The following CSNK1D variants were observed in gnomAD, a reference collection of about 807,000 sequenced individuals.
The protein encoded by CSNK1D is casein kinase 1 delta, also known as casein kinase I isoform delta.
Under a neutral mutation model 46.6 loss-of-function variants are expected in CSNK1D, and 16 were observed. That is an observed-to-expected ratio of 0.34 (90% CI 0.23 to 0.52). The LOEUF (loss-of-function observed/expected upper bound fraction) is 0.52, where lower values mean the gene tolerates loss of function less well. Ranked by LOEUF, CSNK1D falls within the 20% of genes least tolerant of loss-of-function variation. The pLI is 0.95. For missense variants in CSNK1D, 398 were observed against 578.4 expected (o/e 0.69, Z 3.20); for synonymous variants, 276 against 228.2 (o/e 1.21, Z -1.89).
chr17:82,244,876 G>A (rs1599572749), intron 8 of CSNK1D, 45 bp from the exon 9 acceptor site: 1 of 1,612,488 alleles, frequency 6.2e-7, no homozygotes, highest in East Asian at 2.2e-5. Flanking sequence ...GGGGCTGGGG[G>A]AGCCGGCCAG....
chr17:82,273,241 C>A lies in CSNK1D; in HGVS notation c.76+65G>T. ...GGGCCACCACTTCCTTCCGCGATCG[C>A]GCTTGGTCTTGGCAGCCGCAGGGCC... is the stretch of plus-strand genomic sequence containing the variant. On this transcript the variant is annotated intron_variant, in intron 1 of 8. Coordinates refer to ENST00000314028, the MANE Select transcript of CSNK1D (RefSeq NM_001893.6). The surrounding 1 kb of genome is among the most constrained non-coding windows in gnomAD (Gnocchi z 5.1). 6.6e-7 allele frequency: 1 copy of A among 1,509,062 alleles called. No homozygotes were observed. Among genetic ancestry groups the A allele is most frequent in the Middle Eastern group, 2.3e-4 (1 of 4,410 alleles). 93.5% of individuals were successfully genotyped at this position (1,509,062 alleles called of 1,614,324 possible).
downstream of CSNK1D, chr17:82,239,868 C>G: frequency 1.7e-6 from 1 of 596,754 alleles, no homozygotes; most frequent in Non-Finnish European, 2.5e-6. Context: ...GTCCTCCATC[C>G]AGCCCGGCCC....
Position 82,273,054 on chromosome 17 carries a change from C to A in CSNK1D, c.76+252G>T. 2.0e-5 allele frequency: 5 copies of A among 247,866 alleles called. No homozygotes were observed. Among genetic ancestry groups the A allele is most frequent in the African/African-American group, 2.7e-5 (1 of 37,220 alleles). 15.4% of individuals were successfully genotyped at this position (247,866 alleles called of 1,614,324 possible). A position where few individuals can be genotyped will look rare whatever the true frequency, so the allele number is the denominator to read the frequency against. On this transcript the variant is annotated intron_variant, in intron 1 of 8. Transcript: ENST00000314028. This position sits in a 1 kb window ranked among gnomAD's most constrained non-coding sequence, Gnocchi z 5.1. ...GGGTCAGCTCCCCTATCCCCTCCTTCCCCAACCCTCCCCTCTCCAGACCCT... is the reference window on the plus strand; with the variant it reads ...GGGTCAGCTCCCCTATCCCCTCCTTACCCAACCCTCCCCTCTCCAGACCCT...
At position 82,251,283 on chromosome 17, in the gene CSNK1D, A is replaced by G. The variant is rs1320696993; in HGVS notation, c.885+96T>C. ...CTTCACAACCAGAGACACTCCCTAT[A>G]TGGTACAGCCCCTCAACAAGACGGC... is the stretch of plus-strand genomic sequence containing the variant. On this transcript the variant is annotated intron_variant, in intron 6 of 8. Transcript: ENST00000314028. This position sits in a 1 kb window ranked among gnomAD's most constrained non-coding sequence, Gnocchi z 4.5. 2.8e-6 allele frequency: 4 copies of G among 1,431,576 alleles called. No homozygotes were observed. The highest frequency in any genetic ancestry group is 2.3e-5 in the East Asian group (1 of 43,068). The allele number at this position is 1,431,576 out of a possible 1,614,324, so 88.7% of individuals were successfully genotyped here. A position where few individuals can be genotyped will look rare whatever the true frequency, so the allele number is the denominator to read the frequency against.
rs1037165766 is a variant in CSNK1D, at chr17:82,249,897, C to G, written c.886-295G>C. ...ACTTCCAAATGGGCAGCAGCTACCCCCTGCTGCTCTGTGAACATGCTCACT... is the reference window on the plus strand; with the variant it reads ...ACTTCCAAATGGGCAGCAGCTACCCGCTGCTGCTCTGTGAACATGCTCACT... On this transcript the variant is annotated intron_variant, in intron 6 of 8. Coordinates refer to ENST00000314028, the MANE Select transcript of CSNK1D (RefSeq NM_001893.6). This position sits in a 1 kb window ranked among gnomAD's most constrained non-coding sequence, Gnocchi z 6.7. 5.8e-6 allele frequency: 8 copies of G among 1,368,694 alleles called. No individual in the cohort carries two copies. Among genetic ancestry groups the G allele is most frequent in the Middle Eastern group, 2.8e-4 (1 of 3,618 alleles). The allele number at this position is 1,368,694 out of a possible 1,614,324, so 84.8% of individuals were successfully genotyped here. A position where few individuals can be genotyped will look rare whatever the true frequency, so the allele number is the denominator to read the frequency against.
At chr17:82,240,631 C>T (rs28610415), downstream of CSNK1D, among the ~76,000 whole-genome samples, 3,763 of 152,292 alleles carry the variant, frequency 0.025, 59 homozygotes, top group African/African-American at 0.035. Context: ...TGTCACCCCT[C>T]GTCTGCCCCA....
At chr17:82,270,001 G>T (rs976167789) in intron 1 of CSNK1D, among the ~76,000 whole-genome samples, 1 of 152,266 alleles carries the variant, frequency 6.6e-6, no homozygotes, top group Non-Finnish European at 1.5e-5. Context: ...GGGCGGCACA[G>T]GGCCGGGGCC....
rs1178662879 is a variant in CSNK1D, at chr17:82,248,796, C to T, written c.1197+79G>A. On this transcript the variant is annotated intron_variant, in intron 8 of 8. Coordinates refer to ENST00000314028, the MANE Select transcript of CSNK1D (RefSeq NM_001893.6). This position sits in a 1 kb window ranked among gnomAD's most constrained non-coding sequence, Gnocchi z 4.1. ...GGGGGGAAGAAAGGAAAGAAGAAGC[C>T]CTGGAGAAACCACAGCCCGCTCTTG... 6.4e-7 allele frequency: 1 copy of T among 1,552,360 alleles called. No homozygotes were observed. The highest frequency in any genetic ancestry group is 8.7e-7 in the Non-Finnish European group (1 of 1,149,922).
Position 82,251,745 on chromosome 17 carries a change from C to A in CSNK1D, c.737-218G>T, listed in dbSNP as rs780225652. 30 of 588,106 alleles carry A rather than the reference C, an allele frequency of 5.1e-5. No homozygotes were observed. The highest frequency in any genetic ancestry group is 4.8e-4 in the African/African-American group (26 of 53,882). 36.4% of individuals were successfully genotyped at this position (588,106 alleles called of 1,614,324 possible). A position where few individuals can be genotyped will look rare whatever the true frequency, so the allele number is the denominator to read the frequency against. ...GCGGCTCACGCCTGTCACCCCAGCA[C>A]TCTAGGAGGCTGAGGAGGGCGGATC... On this transcript the variant is annotated intron_variant, in intron 5 of 8. Transcript: ENST00000314028. This position sits in a 1 kb window ranked among gnomAD's most constrained non-coding sequence, Gnocchi z 4.5.
chr17:82,251,627 G>C lies in CSNK1D; in HGVS notation c.737-100C>G. 8.3e-7 allele frequency: 1 copy of C among 1,209,024 alleles called. No individual in the cohort carries two copies. The highest frequency in any genetic ancestry group is 1.3e-5 in the South Asian group (1 of 78,986). 74.9% of individuals were successfully genotyped at this position (1,209,024 alleles called of 1,614,324 possible). ...CTACCTCCTGCTGCTGCACACTCAA[G>C]GGGAGAAGGACAGATGCAAAACACC... On this transcript the variant is annotated intron_variant, in intron 5 of 8. Coordinates refer to ENST00000314028, the MANE Select transcript of CSNK1D (RefSeq NM_001893.6). This position sits in a 1 kb window ranked among gnomAD's most constrained non-coding sequence, Gnocchi z 4.5.
At position 82,267,511 on chromosome 17, in the gene CSNK1D, G is replaced by A. The variant is rs1206391461; in HGVS notation, c.77-1715C>T. 2.6e-5 allele frequency among the ~76,000 whole-genome samples: 4 copies of A among 152,174 alleles called. No individual in the cohort carries two copies. In the South Asian group the frequency reaches 6.2e-4, roughly 24 times the overall value. ...GCGTTCCACAGGAATCGCCACCACC[G>A]GGTCACCGCCAGTGACCATTCTAGA... On this transcript the variant is annotated intron_variant, in intron 1 of 8. Coordinates refer to ENST00000314028, the MANE Select transcript of CSNK1D (RefSeq NM_001893.6).
At chr17:82,253,293 GA>G (rs2051060311) in intron 3 of CSNK1D, 49 bp from the exon 4 acceptor site, 3 of 1,413,108 alleles carry the variant, frequency 2.1e-6, no homozygotes, top group Non-Finnish European at 2.0e-6. Flanking sequence ...CAGTCTCAGG[GA>G]GGGACCGCTC....
In CSNK1D at chr17:82,265,723, G is replaced by C; in HGVS notation, c.150C>G (p.His50Gln). The C allele has an allele frequency of 6.2e-7, 1 of 1,614,174 alleles. No homozygotes were observed. Among genetic ancestry groups the C allele is most frequent in the Non-Finnish European group, 8.5e-7 (1 of 1,180,004 alleles). Reference protein sequence around the residue: ...ECVKTKHPQLHIESKIYKMMQ... With the variant: ...ECVKTKHPQLQIESKIYKMMQ... ...TCATCTTGTAGATTTTGCTCTCAATGTGGAGCTGAGGGTGTTTGGTTTTGA... is the reference window on the plus strand; with the variant it reads ...TCATCTTGTAGATTTTGCTCTCAATCTGGAGCTGAGGGTGTTTGGTTTTGA... The change falls in exon 2 of 9, where the codon CAC becomes CAG. Residue 50 changes from histidine (H) to glutamine (Q), a missense_variant. Coordinates refer to ENST00000314028, the MANE Select transcript of CSNK1D (RefSeq NM_001893.6).
downstream of CSNK1D, chr17:82,240,023 G>A (rs774421332): frequency 1.2e-4 from 144 of 1,233,672 alleles, no homozygotes; most frequent in Non-Finnish European, 1.3e-4. Context: ...GTGCCCTGGC[G>A]GGCCGCGTGC....
At chr17:82,270,671 C>A (rs745642682) in intron 1 of CSNK1D, among the ~76,000 whole-genome samples, 2 of 152,170 alleles carry the variant, frequency 1.3e-5, no homozygotes, top group Non-Finnish European at 2.9e-5. Context: ...CTTACTCCGG[C>A]TAACGTGACC....
At chr17:82,260,140 G>GTGATGTGACTGATGGTGTACTGAC (rs1568574496) in intron 2 of CSNK1D, among the ~76,000 whole-genome samples, 2 of 149,050 alleles carry the variant, frequency 1.3e-5, no homozygotes, top group African/African-American at 4.9e-5. Context: ...GGTGTACTGA[G>GTGATGTGACTGATGGTGTACTGAC]TGATGTGACT....
intron 8 of CSNK1D, chr17:82,245,141 C>T: frequency 1.8e-6 from 1 of 557,064 alleles, no homozygotes; most frequent in Non-Finnish European, 3.2e-6. Context: ...TGGAAAGGAA[C>T]CTGGTGTTTG....
intron 8 of CSNK1D, chr17:82,245,390 A>C: frequency 8.8e-6 from 2 of 228,238 alleles, no homozygotes; most frequent in South Asian, 1.2e-4. Flanking sequence ...GAGTTAATAC[A>C]GACGAAGCTG....
intron 2 of CSNK1D, among the ~76,000 whole-genome samples, chr17:82,262,589 C>CT (rs955066369): frequency 1.3e-5 from 2 of 152,110 alleles, no homozygotes; most frequent in African/African-American, 2.4e-5. Context: ...GCTTGCTGCC[C>CT]TTTTTTTCAG....
Sources: allele counts gnomAD v4.1 joint callset (sites outside exome capture counted in the v4.1 genomes callset), GRCh38; gene constraint gnomAD v4.1.1; non-coding constraint Gnocchi (gnomAD v3.1); transcripts MANE v1.5; gene names NCBI Gene and HGNC (gene_info 2026-07-23, HGNC 2026-07-21).